The following E2F5 variants were observed in gnomAD, a reference collection of about 807,000 sequenced individuals.
The protein encoded by E2F5 is transcription factor E2F5.
In E2F5, 23 loss-of-function variants were observed where a neutral mutation model predicts 39.1. That is an observed-to-expected ratio of 0.59 (90% CI 0.42 to 0.83). The LOEUF is 0.83. Among genes scored for constraint, E2F5 ranks in the 40% least tolerant of loss-of-function variants. The pLI is 0.00. For missense variants in E2F5, 365 were observed against 406.7 expected (o/e 0.90, Z 0.88); for synonymous variants, 145 against 157.8 (o/e 0.92, Z 0.61).
At chr8:85,184,431 A>C (rs527958314) in intron 1 of E2F5, among the ~76,000 whole-genome samples, 1 of 152,330 alleles carries the variant, frequency 6.6e-6, no homozygotes, top group East Asian at 1.9e-4. Flanking sequence ...CAAAAACTGG[A>C]AGCATTCCCT....
intron 1 of E2F5, among the ~76,000 whole-genome samples, chr8:85,195,787 A>G (rs1274645503): frequency 1.3e-5 from 2 of 152,132 alleles, no homozygotes; most frequent in Admixed American, 6.6e-5. Context: ...GAGCCACTGC[A>G]TCGGCCAAGA....
chr8:85,177,254 A>G lies in E2F5; in HGVS notation c.-167A>G. On this transcript the variant is annotated 5_prime_UTR_variant, in exon 1 of 8. Transcript: ENST00000416274. ...AGGCCCGGCGTGACAAGCGGCCCAG[A>G]CTCCCGTGGGCGCCGCACACCTGTT... The G allele has an allele frequency of 2.3e-5, 11 of 487,484 alleles. No homozygotes were observed. Among genetic ancestry groups the G allele is most frequent in the Non-Finnish European group, 2.9e-5 (11 of 375,346 alleles). The allele number at this position is 487,484 out of a possible 1,614,324, so 30.2% of individuals were successfully genotyped here.
At chr8:85,179,719 G>T (rs1444320464) in intron 1 of E2F5, among the ~76,000 whole-genome samples, 1 of 151,454 alleles carries the variant, frequency 6.6e-6, no homozygotes, top group African/African-American at 2.4e-5. Context: ...GAGTGCAGTG[G>T]CGCGATCTGG....
chr8:85,205,742 T>G (rs1276237506), intron 3 of E2F5, among the ~76,000 whole-genome samples: 1 of 152,252 alleles, frequency 6.6e-6, no homozygotes, highest in Non-Finnish European at 1.5e-5. Context: ...AGTATAATAC[T>G]TTGTTTTTCT....
In E2F5 at chr8:85,187,775, C is replaced by A. The variant is rs551921772; in HGVS notation, c.234+10121C>A. On this transcript the variant is annotated intron_variant, in intron 1 of 7. Transcript: ENST00000416274. ...TTTATTGGAGAACTTAATCCACTTA[C>A]GTTCAGGGTTATCATTCATAGGTAA... 4 of 152,274 alleles carry A rather than the reference C, an allele frequency of 2.6e-5. No individual in the cohort carries two copies. The East Asian group carries it at 7.7e-4, about 29-fold the overall frequency. 9.4% of individuals were successfully genotyped at this position (152,274 alleles called of 1,614,324 possible).
chr8:85,201,993 G>A, intron 1 of E2F5, 154 bp from the exon 2 acceptor site: 1 of 642,152 alleles, frequency 1.6e-6, no homozygotes, highest in South Asian at 1.8e-5. Context: ...GCAGTGTTTG[G>A]GAGATGCTTT....
chr8:85,199,820 C>A (rs1395590102), intron 1 of E2F5, among the ~76,000 whole-genome samples: 1 of 152,208 alleles, frequency 6.6e-6, no homozygotes, highest in Non-Finnish European at 1.5e-5. Context: ...CACAATACTC[C>A]TTTCAGTATA....
chr8:85,181,546 TG>T (rs1416072998), intron 1 of E2F5, among the ~76,000 whole-genome samples: 1 of 147,234 alleles, frequency 6.8e-6, no homozygotes, highest in African/African-American at 2.5e-5. Context: ...GGTTTCACCG[TG>T]TTAGAATGGT....
chr8:85,177,484 C>A lies in E2F5; in HGVS notation c.64C>A (p.Arg22=). The stretch of plus-strand genomic sequence containing the variant: ...GCCGGCAGGGCAGGGGCAGGGCCAG[C>A]GGCCGCCGCCGCAGCCTCCGCAGGC... ...QAPAGQGQGQ[R]PPPQPPQAQA... is the part of the protein sequence containing the mutation. Residue 22 remains arginine (R), a synonymous_variant, in exon 1 of 8, where the codon CGG becomes AGG. Transcript: ENST00000416274. 1 of 1,027,188 alleles carries A rather than the reference C, an allele frequency of 9.7e-7. No individual in the cohort carries two copies. Among genetic ancestry groups the A allele is most frequent in the Non-Finnish European group, 1.2e-6 (1 of 859,242 alleles). The allele number at this position is 1,027,188 out of a possible 1,614,324, so 63.6% of individuals were successfully genotyped here. A position where few individuals can be genotyped will look rare whatever the true frequency, so the allele number is the denominator to read the frequency against.
chr8:85,204,211 C>T (rs1423566903), intron 3 of E2F5, among the ~76,000 whole-genome samples: 2 of 152,028 alleles, frequency 1.3e-5, no homozygotes, highest in African/African-American at 2.4e-5. Context: ...GACTTCGCTG[C>T]CCTGCTTTAC....
intron 1 of E2F5, among the ~76,000 whole-genome samples, chr8:85,185,720 A>C (rs2136042344): frequency 6.6e-6 from 1 of 152,366 alleles, no homozygotes; most frequent in East Asian, 1.9e-4. Flanking sequence ...ACACTTCTCA[A>C]AAGAAGACTT....
At chr8:85,194,519 TTTTG>T (rs1365765691) in intron 1 of E2F5, among the ~76,000 whole-genome samples, 2 of 151,052 alleles carry the variant, frequency 1.3e-5, no homozygotes, top group Non-Finnish European at 3.0e-5. Context: ...TTTGTTGTTT[TTTTG>T]TTTGTTTCTC....
intron 6 of E2F5, among the ~76,000 whole-genome samples, chr8:85,210,161 A>C (rs1426787108): frequency 6.6e-6 from 1 of 152,242 alleles, no homozygotes; most frequent in East Asian, 1.9e-4. Context: ...CAATATAGAC[A>C]TCATATTGCA....
chr8:85,191,337 A>C (rs1329902375), intron 1 of E2F5, among the ~76,000 whole-genome samples: 1 of 152,150 alleles, frequency 6.6e-6, no homozygotes, highest in Admixed American at 6.6e-5. Context: ...GACAAGAATA[A>C]ATTTGAGAGA....
chr8:85,187,473 A>G (rs538683079), intron 1 of E2F5, among the ~76,000 whole-genome samples: 50 of 152,192 alleles, frequency 3.3e-4, no homozygotes, highest in African/African-American at 1.1e-3. Context: ...GTGCTGCTAT[A>G]TTGGGTTCAC....
chr8:85,206,344 C>A, intron 4 of E2F5, 124 bp downstream of exon 4: 1 of 908,482 alleles, frequency 1.1e-6, no homozygotes, highest in Non-Finnish European at 1.7e-6. Flanking sequence ...GTGTCTCACT[C>A]CACCATGCCG....
intron 1 of E2F5, among the ~76,000 whole-genome samples, chr8:85,196,202 TA>T (rs1424586586): frequency 6.6e-6 from 1 of 152,190 alleles, no homozygotes; most frequent in Non-Finnish European, 1.5e-5. Flanking sequence ...TTTATTCTTT[TA>T]TATTTAATTT....
At chr8:85,182,871 G>A (rs1005390397) in intron 1 of E2F5, among the ~76,000 whole-genome samples, 2 of 152,136 alleles carry the variant, frequency 1.3e-5, no homozygotes, top group Non-Finnish European at 1.5e-5. Context: ...ATGTGATAAA[G>A]TATGGTGCGT....
chr8:85,214,304 G>A lies in E2F5; in HGVS notation c.*442G>A. ...AGACGTTCACTGCCACTTGTAAAGT[G>A]AAGGATGTAAACGAGGATATATAAC... is the stretch of plus-strand genomic sequence containing the variant. On this transcript the variant is annotated 3_prime_UTR_variant, in exon 8 of 8. Transcript: ENST00000416274. 1.7e-6 allele frequency: 1 copy of A among 586,774 alleles called. No individual in the cohort carries two copies. Among genetic ancestry groups the A allele is most frequent in the East Asian group, 3.4e-5 (1 of 29,320 alleles). 36.3% of individuals were successfully genotyped at this position (586,774 alleles called of 1,614,324 possible).
Sources: gnomAD v4.1 joint callset for allele counts (sites outside exome capture counted in the v4.1 genomes callset) on GRCh38, gnomAD v4.1.1 for gene constraint, MANE v1.5 for transcripts, NCBI Gene and HGNC (gene_info 2026-07-23, HGNC 2026-07-21) for gene names.